Variants in LRIG1 observed in about 807,000 individuals in gnomAD.
LRIG1 encodes leucine-rich repeats and immunoglobulin-like domains protein 1.
Under a neutral mutation model 99.2 loss-of-function variants are expected in LRIG1, and 48 were observed. That is an observed-to-expected ratio of 0.48 (90% CI 0.38 to 0.62). LRIG1 has a LOEUF of 0.62. Ranked by LOEUF, LRIG1 falls within the 20% of genes least tolerant of loss-of-function variation. The pLI, the probability that LRIG1 is intolerant of heterozygous loss-of-function variation, is 0.00. For synonymous variants in LRIG1, 772 were observed against 596.1 expected, an observed-to-expected ratio of 1.29 and a Z score of -4.30; for missense variants, 1,646 against 1,434.4, an observed-to-expected ratio of 1.15 and a Z score of -2.38.
At chr3:66,440,932 A>C in intron 3 of LRIG1, among the ~76,000 whole-genome samples, 1 of 152,176 alleles carries the variant, frequency 6.6e-6, no homozygotes, top group Non-Finnish European at 1.5e-5. Flanking sequence ...CTGTGCAAAA[A>C]TGCCCCCTCT....
At chr3:66,429,833 G>A (rs74572574) in intron 3 of LRIG1, among the ~76,000 whole-genome samples, 5,305 of 145,922 alleles carry the variant, frequency 0.036, 301 homozygotes, top group African/African-American at 0.12. Context: ...AAGAGATGGC[G>A]GGGGCATATG....
At chr3:66,397,448 T>TG (rs776212642) in intron 11 of LRIG1, among the ~76,000 whole-genome samples, 7 of 131,434 alleles carry the variant, frequency 5.3e-5, no homozygotes, top group Non-Finnish European at 7.9e-5. Flanking sequence ...CATGTCTAGC[T>TG]AAAAAAAAAA....
chr3:66,406,081 G>C, intron 8 of LRIG1: 1 of 985,966 alleles, frequency 1.0e-6, no homozygotes, highest in Non-Finnish European at 1.2e-6. Flanking sequence ...ACAGGCCAGG[G>C]AGAGAAAAGG....
chr3:66,431,205 A>C (rs1173743165), intron 3 of LRIG1, among the ~76,000 whole-genome samples: 1 of 152,248 alleles, frequency 6.6e-6, no homozygotes, highest in Non-Finnish European at 1.5e-5. Context: ...TTGTCAGGGC[A>C]CATGTGTCCC....
chr3:66,383,437 G>T, intron 14 of LRIG1, 36 bp from the exon 15 acceptor site: 1 of 1,505,516 alleles, frequency 6.6e-7, no homozygotes. Flanking sequence ...GTCATTCTCA[G>T]GGCCTCCGTT....
At chr3:66,445,658 T>C (rs1703692410) in intron 3 of LRIG1, among the ~76,000 whole-genome samples, 1 of 152,194 alleles carries the variant, frequency 6.6e-6, no homozygotes, top group Non-Finnish European at 1.5e-5. Flanking sequence ...AAGATAAACA[T>C]CACATGGAAA....
Position 66,398,187 on chromosome 3 carries a change from A to G in LRIG1, c.1233-4T>C. On this transcript the variant is annotated splice_polypyrimidine_tract_variant and splice_region_variant and intron_variant, in intron 10 of 18. Transcript: ENST00000273261. ...GATCGCATTCCCTCCAAGGTTCCTGAAACAGAACATACATTACTTATGCAA... is the reference window on the plus strand; with the variant it reads ...GATCGCATTCCCTCCAAGGTTCCTGGAACAGAACATACATTACTTATGCAA... 6.2e-7 allele frequency: 1 copy of G among 1,612,592 alleles called. No homozygotes were observed. Among genetic ancestry groups the G allele is most frequent in the Non-Finnish European group, 8.5e-7 (1 of 1,178,582 alleles).
intron 3 of LRIG1, among the ~76,000 whole-genome samples, chr3:66,428,729 A>G (rs1703061277): frequency 6.6e-6 from 1 of 152,260 alleles, no homozygotes; most frequent in African/African-American, 2.4e-5. Flanking sequence ...CTTCTTAAAA[A>G]TTAAAATCAA....
chr3:66,451,438 A>T, intron 3 of LRIG1, 121 bp downstream of exon 3: 2 of 741,622 alleles, frequency 2.7e-6, no homozygotes, highest in Admixed American at 5.1e-5. Context: ...CCACATGAAG[A>T]AAGGTCTTTC....
Position 66,379,991 on chromosome 3 carries a change from C to A in LRIG1, c.*272G>T. 1 of 270,522 alleles carries A rather than the reference C, an allele frequency of 3.7e-6. No individual in the cohort carries two copies. Among genetic ancestry groups the A allele is most frequent in the South Asian group, 1.2e-4 (1 of 8,044 alleles). 16.8% of individuals were successfully genotyped at this position (270,522 alleles called of 1,614,324 possible). A position where few individuals can be genotyped will look rare whatever the true frequency, so the allele number is the denominator to read the frequency against. ...ATAATTTTTTTCTGTTAACCATGCA[C>A]TAAAGATTAAAATAGCCTCTGTAAA... On this transcript the variant is annotated 3_prime_UTR_variant, in exon 19 of 19. Coordinates refer to ENST00000273261, the MANE Select transcript of LRIG1 (RefSeq NM_015541.3).
chr3:66,422,920 C>G (rs1702865975), intron 3 of LRIG1, among the ~76,000 whole-genome samples: 2 of 152,108 alleles, frequency 1.3e-5, no homozygotes, highest in Admixed American at 6.6e-5. Flanking sequence ...TGGCAGCAGG[C>G]AAAAAGAGAG....
chr3:66,380,325 G>T lies in LRIG1; in HGVS notation c.3220C>A (p.Pro1074Thr). 6.2e-7 allele frequency: 1 copy of T among 1,614,184 alleles called. No individual in the cohort carries two copies. Among genetic ancestry groups the T allele is most frequent in the East Asian group, 2.2e-5 (1 of 44,882 alleles). Residue 1074 changes from proline to threonine, a missense_variant, in exon 19 of 19, where the codon CCA becomes ACA. By Grantham distance (38) the Pro-to-Thr change is conservative. Transcript: ENST00000273261. ...KACDASPEST[P>T]LTGQLPGKQR... is the part of the protein sequence containing the mutation. ...TTCCCGGGGAGCTGTCCTGTCAGTGGCGTGGACTCGGGACTGGCGTCACAT... is the reference window on the plus strand; with the variant it reads ...TTCCCGGGGAGCTGTCCTGTCAGTGTCGTGGACTCGGGACTGGCGTCACAT...
chr3:66,456,878 G>A (rs1253596754), intron 2 of LRIG1, among the ~76,000 whole-genome samples: 3 of 152,200 alleles, frequency 2.0e-5, no homozygotes, highest in African/African-American at 4.8e-5. Flanking sequence ...TATCTACAGA[G>A]GACTGTATAA....
intron 1 of LRIG1, among the ~76,000 whole-genome samples, chr3:66,490,645 TAAA>T (rs34698702): frequency 1.6e-4 from 24 of 151,626 alleles, no homozygotes; most frequent in South Asian, 1.0e-3. Flanking sequence ...CCCCATAATT[TAAA>T]AAAAAAAAAT....
In LRIG1 at chr3:66,488,477, A is replaced by AAC. The variant is rs1553726722; in HGVS notation, c.218+11712_218+11713insGT. Among the ~76,000 whole-genome samples, 7 of 151,444 alleles carry AAC rather than the reference A, an allele frequency of 4.6e-5. No individual in the cohort carries two copies. The East Asian group carries it at 1.2e-3, about 25-fold the overall frequency. Reference sequence around the variant, plus strand: ...CCCTGTCTCTACTAAAAAAAAACAAAAAAAAAAAAATTAGCCTGGCTTGGT... The same window carrying AAC: ...CCCTGTCTCTACTAAAAAAAAACAAAACAAAAAAAAAATTAGCCTGGCTTGGT... On this transcript the variant is annotated intron_variant, in intron 1 of 18. Transcript: ENST00000273261.
chr3:66,428,658 A>G (rs1703059111), intron 3 of LRIG1, among the ~76,000 whole-genome samples: 1 of 152,226 alleles, frequency 6.6e-6, no homozygotes, highest in African/African-American at 2.4e-5. Flanking sequence ...AACTTGAATA[A>G]AAGTCTCCCT....
At chr3:66,385,911 A>G in intron 13 of LRIG1, 70 bp downstream of exon 13, 1 of 1,373,410 alleles carries the variant, frequency 7.3e-7, no homozygotes, top group Non-Finnish European at 1.0e-6. Context: ...TCTACATGGA[A>G]AGCTGAAAGG....
intron 2 of LRIG1, among the ~76,000 whole-genome samples, chr3:66,460,382 T>C (rs892199146): frequency 6.6e-6 from 1 of 152,220 alleles, no homozygotes; most frequent in Non-Finnish European, 1.5e-5. Flanking sequence ...GTTTATCATC[T>C]TGGTGACTAT....
At position 66,408,913 on chromosome 3, in the gene LRIG1, A is replaced by AGTGTGTGTGTGT. The variant is rs55651719; in HGVS notation, c.935+1204_935+1215dup. ...GTCACCAAAATATAAACTCCAAGTC[A>AGTGTGTGTGTGT]GTGTGTGTGTGTGTGTGTGTGTGTG... is the stretch of plus-strand genomic sequence containing the variant. On this transcript the variant is annotated intron_variant, in intron 7 of 18. Transcript: ENST00000273261. Among the ~76,000 whole-genome samples the AGTGTGTGTGTGT allele has an allele frequency of 7.4e-3, 257 of 34,908 alleles. 18 individuals carry two copies. Among genetic ancestry groups the AGTGTGTGTGTGT allele is most frequent in the East Asian group, 0.061 (42 of 690 alleles). 22.9% of individuals were successfully genotyped at this position (34,908 alleles called of 152,430 possible).
Sources: gnomAD v4.1 joint callset for allele counts (sites outside exome capture counted in the v4.1 genomes callset) on GRCh38, gnomAD v4.1.1 for gene constraint, MANE v1.5 for transcripts, NCBI Gene and HGNC (gene_info 2026-07-23, HGNC 2026-07-21) for gene names.